DOCK2: variants seen among roughly 807,000 people sequenced by gnomAD.
The protein encoded by DOCK2 is dedicator of cytokinesis 2.
In DOCK2, 87 loss-of-function variants were observed where a neutral mutation model predicts 248.9. The ratio of observed to expected loss-of-function variants is 0.35; its 90% confidence interval spans 0.29 to 0.42. The LOEUF (loss-of-function observed/expected upper bound fraction) is 0.42. Ranked by LOEUF, DOCK2 falls within the 10% of genes least tolerant of loss-of-function variation. The probability of loss-of-function intolerance (pLI) is 1.00; values close to 1 mark genes in which losing one functional copy is unlikely to be tolerated. For missense variants in DOCK2, 1,747 were observed against 2,300.2 expected, an observed-to-expected ratio of 0.76 and a Z score of 4.92; for synonymous variants, 805 against 821.6, an observed-to-expected ratio of 0.98 and a Z score of 0.35.
At chr5:169,797,271 A>G (rs1766709916) in intron 25 of DOCK2, among the ~76,000 whole-genome samples, 1 of 152,192 alleles carries the variant, frequency 6.6e-6, no homozygotes, top group African/African-American at 2.4e-5. Context: ...CTGGAGCTGG[A>G]TTGTGGCTGT....
chr5:169,658,421 A>G (rs1239157522), intron 2 of DOCK2, among the ~76,000 whole-genome samples: 1 of 146,508 alleles, frequency 6.8e-6, no homozygotes, highest in Non-Finnish European at 1.5e-5. Context: ...CGGAGCTTGC[A>G]GTAAGCCAAG....
chr5:170,032,906 G>A lies in DOCK2; in HGVS notation c.3468-1493G>A, dbSNP rs933403376. Among the ~76,000 whole-genome samples, 31 of 152,004 alleles carry A rather than the reference G, an allele frequency of 2.0e-4. 2 individuals are homozygous for A. Among genetic ancestry groups the A allele is most frequent in the Non-Finnish European group, 4.3e-4 (29 of 68,008 alleles). On this transcript the variant is annotated intron_variant, in intron 34 of 51. Transcript: ENST00000520908. ...GGGAGAGTAGACAGATACAAATCAC[G>A]TGGCCTGCATAATGTCTACTTGAGA... is the stretch of plus-strand genomic sequence containing the variant.
At chr5:169,715,248 C>T (rs1230029443) in intron 19 of DOCK2, among the ~76,000 whole-genome samples, 2 of 152,278 alleles carry the variant, frequency 1.3e-5, no homozygotes, top group South Asian at 2.1e-4. Context: ...TGAATTGGGA[C>T]AAGTGTTTCC....
At chr5:170,057,162 T>C (rs956655469) in intron 43 of DOCK2, 15 of 354,292 alleles carry the variant, frequency 4.2e-5, no homozygotes, top group African/African-American at 3.2e-4. Flanking sequence ...TGTGTCCAGC[T>C]AGGATTCAAA....
intron 27 of DOCK2, chr5:169,884,148 A>T: frequency 2.9e-6 from 1 of 350,646 alleles, no homozygotes; most frequent in Non-Finnish European, 5.1e-6. Context: ...TGCTCCTTGG[A>T]AAAACAAATG....
chr5:169,923,466 C>T (rs899519713), intron 27 of DOCK2, among the ~76,000 whole-genome samples: 6 of 146,072 alleles, frequency 4.1e-5, no homozygotes, highest in African/African-American at 7.8e-5. Flanking sequence ...CACATGCGTG[C>T]GTGTGCATGC....
At chr5:169,648,194 A>G (rs1757578088) in intron 1 of DOCK2, among the ~76,000 whole-genome samples, 1 of 151,998 alleles carries the variant, frequency 6.6e-6, no homozygotes, top group South Asian at 2.1e-4. Context: ...GGCCAGGAAA[A>G]TCTTTGTTAT....
intron 32 of DOCK2, among the ~76,000 whole-genome samples, chr5:170,015,231 C>G (rs1755475930): frequency 6.6e-6 from 1 of 152,214 alleles, no homozygotes; most frequent in Non-Finnish European, 1.5e-5. Flanking sequence ...GTGCAGGGCC[C>G]TTCGTTTGCA....
intron 26 of DOCK2, among the ~76,000 whole-genome samples, chr5:169,830,511 T>G (rs1769155927): frequency 6.6e-6 from 1 of 152,214 alleles, no homozygotes; most frequent in African/African-American, 2.4e-5. Context: ...AAATTTTTCC[T>G]GTTTTGAAGA....
chr5:169,863,579 C>T (rs1771342302), intron 27 of DOCK2, among the ~76,000 whole-genome samples: 1 of 152,240 alleles, frequency 6.6e-6, no homozygotes, highest in South Asian at 2.1e-4. Context: ...CTTTGAATTA[C>T]ACTTATCCAG....
chr5:169,985,889 G>A lies in DOCK2; in HGVS notation c.2960G>A (p.Gly987Glu), dbSNP rs1561867891. The change falls in exon 29 of 52, where the codon GGA (glycine) becomes GAA (glutamate). Residue 987 changes from glycine (G) to glutamate (E), a missense_variant. Gly to Glu is a moderately conservative substitution (Grantham distance 98). Coordinates refer to ENST00000520908, the MANE Select transcript of DOCK2 (RefSeq NM_004946.3). ...CTCATTGGAAAGAACGTGTACCCTG[G>A]AGACTGGATGGCCATGAGCATGGTT... ...KDLIGKNVYP[G>E]DWMAMSMVQN... 4.3e-6 allele frequency: 7 copies of A among 1,610,500 alleles called. No homozygotes were observed. Among genetic ancestry groups the A allele is most frequent in the Non-Finnish European group, 5.9e-6 (7 of 1,177,856 alleles).
intron 27 of DOCK2, chr5:169,883,325 A>G: frequency 2.6e-6 from 4 of 1,551,622 alleles, no homozygotes; most frequent in Non-Finnish European, 3.5e-6. Flanking sequence ...AAGGACCTCC[A>G]AGTTCCTGCT....
chr5:169,926,924 G>C (rs375492940), intron 27 of DOCK2, among the ~76,000 whole-genome samples: 12 of 152,218 alleles, frequency 7.9e-5, no homozygotes, highest in Non-Finnish European at 1.3e-4. Context: ...ACAAGGAGCA[G>C]AATAGGGAAG....
chr5:169,733,176 T>G (rs1429822357), intron 22 of DOCK2, among the ~76,000 whole-genome samples: 2 of 152,120 alleles, frequency 1.3e-5, no homozygotes, highest in Non-Finnish European at 2.9e-5. Flanking sequence ...TGTTTTCAAT[T>G]TCCTCATTCC....
At chr5:169,985,311 G>C (rs1440975982) in intron 28 of DOCK2, among the ~76,000 whole-genome samples, 3 of 151,770 alleles carry the variant, frequency 2.0e-5, no homozygotes, top group Non-Finnish European at 4.4e-5. Flanking sequence ...TCAAAGGAGA[G>C]GAAGAGTTCC....
intron 12 of DOCK2, 110 bp downstream of exon 12, chr5:169,699,568 G>C: frequency 9.5e-7 from 1 of 1,053,228 alleles, no homozygotes; most frequent in Non-Finnish European, 1.4e-6. Context: ...TTTCCTTCCA[G>C]ACAGACCACT....
chr5:170,057,597 A>G lies in DOCK2; in HGVS notation c.4398A>G (p.Arg1466=). ...ACGGACAGTCCATGTGGATTGAGAG[A>G]ACCTCCTTCGTGACTGCATACAAGC... ...ENEFASMWIE[R]TSFVTAYKLP... Residue 1466 remains arginine, a synonymous_variant, in exon 44 of 52, where the codon AGA becomes AGG. Transcript: ENST00000520908. 1.9e-6 allele frequency: 3 copies of G among 1,614,080 alleles called. No individual in the cohort carries two copies. Among genetic ancestry groups the G allele is most frequent in the East Asian group, 2.2e-5 (1 of 44,874 alleles).
intron 47 of DOCK2, 113 bp from the exon 48 acceptor site, chr5:170,077,597 C>T (rs1757878740): frequency 2.7e-6 from 4 of 1,467,972 alleles, no homozygotes; most frequent in African/African-American, 1.4e-5. Context: ...TGTGCTGATG[C>T]TCCACTCAGC....
intron 14 of DOCK2, among the ~76,000 whole-genome samples, chr5:169,704,825 T>C (rs1000366637): frequency 4.0e-5 from 6 of 151,554 alleles, no homozygotes; most frequent in Non-Finnish European, 7.4e-5. Flanking sequence ...GCACACACTA[T>C]GTGCCCACAA....
Sources: allele counts gnomAD v4.1 joint callset (sites outside exome capture counted in the v4.1 genomes callset), GRCh38; gene constraint gnomAD v4.1.1; transcripts MANE v1.5; gene names NCBI Gene and HGNC (gene_info 2026-07-23, HGNC 2026-07-21).